The following STAT4 variants were observed in gnomAD, a reference collection of about 807,000 sequenced individuals.
STAT4 encodes signal transducer and activator of transcription 4.
A neutral mutation model predicts 110.5 loss-of-function variants in STAT4; 42 were observed. The observed-to-expected ratio is 0.38, with a 90% CI of 0.30 to 0.49. The LOEUF is 0.49. Among genes scored for constraint, STAT4 ranks in the 20% least tolerant of loss-of-function variants. The probability of loss-of-function intolerance (pLI) is 0.95; values close to 1 mark genes in which losing one functional copy is unlikely to be tolerated. For synonymous variants in STAT4, 284 were observed against 302.2 expected, an observed-to-expected ratio of 0.94 and a Z score of 0.63; for missense variants, 632 against 887.9, an observed-to-expected ratio of 0.71 and a Z score of 3.66.
intron 3 of STAT4, among the ~76,000 whole-genome samples, chr2:191,123,298 C>T (rs1698788007): frequency 6.6e-6 from 1 of 152,168 alleles, no homozygotes; most frequent in Admixed American, 6.5e-5. Context: ...AAGACCACCT[C>T]CCCCGCTCCC....
rs763819745 is a variant in STAT4 at position 191,033,153 on chromosome 2, GA to G, written c.1853-5del. ...ACAGAGTGGAATCTCACTTCCCCTT[GA>G]AAAACAGAAATTGGAGAAATATACA... On this transcript the variant is annotated splice_polypyrimidine_tract_variant and splice_region_variant and intron_variant, in intron 20 of 23. Transcript: ENST00000392320. This position sits in a 1 kb window ranked among gnomAD's most constrained non-coding sequence, Gnocchi z 6.9. The G allele has an allele frequency of 1.9e-5, 31 of 1,611,004 alleles. No homozygotes were observed. In the East Asian group the frequency reaches 2.2e-4, roughly 12 times the overall value.
chr2:191,049,751 T>G (rs1019796042), intron 14 of STAT4, among the ~76,000 whole-genome samples: 1 of 152,204 alleles, frequency 6.6e-6, no homozygotes, highest in African/African-American at 2.4e-5. Context: ...ACATGAGAGA[T>G]AGCCTTTAAT....
chr2:191,048,268 G>A (rs910653272), intron 14 of STAT4, among the ~76,000 whole-genome samples: 5 of 152,100 alleles, frequency 3.3e-5, no homozygotes, highest in Non-Finnish European at 1.5e-5. Context: ...CAATTGTGAG[G>A]CACATTTAGA....
intron 3 of STAT4, among the ~76,000 whole-genome samples, chr2:191,120,380 T>C (rs957114088): frequency 6.6e-6 from 1 of 152,062 alleles, no homozygotes; most frequent in Non-Finnish European, 1.5e-5. Flanking sequence ...TCAAAAAGCC[T>C]AGGCAACATA....
Position 191,032,729 on chromosome 2 carries a change from AGTTTAGTTAC to A in STAT4, c.2044+219_2044+228del, listed in dbSNP as rs1695934729. The A allele has an allele frequency of 2.1e-6, 1 of 482,326 alleles. No homozygotes were observed. Among genetic ancestry groups the A allele is most frequent in the African/African-American group, 2.0e-5 (1 of 49,850 alleles). The allele number at this position is 482,326 out of a possible 1,614,324, so 29.9% of individuals were successfully genotyped here. A position where few individuals can be genotyped will look rare whatever the true frequency, so the allele number is the denominator to read the frequency against. ...TGAGAGGCCCCCATGGCCATGGTGA[AGTTTAGTTAC>A]AGCTGCTTATTACTCGCTAGTGTTA... On this transcript the variant is annotated intron_variant, in intron 21 of 23. Coordinates refer to ENST00000392320, the MANE Select transcript of STAT4 (RefSeq NM_003151.4). This position sits in a 1 kb window ranked among gnomAD's most constrained non-coding sequence, Gnocchi z 4.9.
At chr2:191,125,317 A>C (rs4596007) in intron 3 of STAT4, among the ~76,000 whole-genome samples, 92,144 of 151,416 alleles carry the variant, frequency 0.61, 28,814 homozygotes, top group South Asian at 0.78. Flanking sequence ...GCCAACACAG[A>C]TCTTGGCTAC....
rs180979007 is a variant in STAT4, at chr2:191,082,160, A to T, written c.274-5835T>A. Among the ~76,000 whole-genome samples the T allele has an allele frequency of 9.1e-4, 139 of 152,300 alleles. No individual in the cohort carries two copies. The highest frequency in any genetic ancestry group is 1.7e-3 in the Non-Finnish European group (115 of 68,032). ...AATTTCAGTAACAAAATATAATACA[A>T]CTTTATCTACTTGTGAGCATCTTCC... On this transcript the variant is annotated intron_variant, in intron 3 of 23. Transcript: ENST00000392320. This position sits in a 1 kb window ranked among gnomAD's most constrained non-coding sequence, Gnocchi z 4.7.
At chr2:191,047,635 A>G (rs188666068) in intron 14 of STAT4, among the ~76,000 whole-genome samples, 63 of 152,190 alleles carry the variant, frequency 4.1e-4, no homozygotes, top group African/African-American at 1.5e-3. Flanking sequence ...TATAGGTCCC[A>G]TCACTCTCAC....
At position 191,031,408 on chromosome 2, in the gene STAT4, GC is replaced by G. The variant is rs770003961; in HGVS notation, c.2111+41del. 4 of 1,586,408 alleles carry G rather than the reference GC, an allele frequency of 2.5e-6. No homozygotes were observed. The highest frequency in any genetic ancestry group is 4.5e-5 in the East Asian group (2 of 44,624). On this transcript the variant is annotated intron_variant, in intron 22 of 23. Coordinates refer to ENST00000392320, the MANE Select transcript of STAT4 (RefSeq NM_003151.4). This position sits in a 1 kb window ranked among gnomAD's most constrained non-coding sequence, Gnocchi z 4.8. The stretch of plus-strand genomic sequence containing the variant: ...CTACCTTTAAATCTCCTATAGGAAA[GC>G]TTTTTATAAAAATATTTCACATGTG...
Position 191,135,048 on chromosome 2 carries a change from G to T in STAT4, c.273+11565C>A, listed in dbSNP as rs1452176648. ...AAAAACCGAAATTAGTGGAAGGAAAGAATTAATAAAGATCAGAGCAGAATA... is the reference window on the plus strand; with the variant it reads ...AAAAACCGAAATTAGTGGAAGGAAATAATTAATAAAGATCAGAGCAGAATA... On this transcript the variant is annotated intron_variant, in intron 3 of 23. Transcript: ENST00000392320. This position sits in a 1 kb window ranked among gnomAD's most constrained non-coding sequence, Gnocchi z 4.8. 1.3e-5 allele frequency among the ~76,000 whole-genome samples: 2 copies of T among 151,532 alleles called. No individual in the cohort carries two copies. The highest frequency in any genetic ancestry group is 2.9e-5 in the Non-Finnish European group (2 of 67,854).
rs1699158774 is a variant in STAT4, at chr2:191,135,592, G to A, written c.273+11021C>T. Among the ~76,000 whole-genome samples, 3 of 152,170 alleles carry A rather than the reference G, an allele frequency of 2.0e-5. No homozygotes were observed. Among genetic ancestry groups the A allele is most frequent in the African/African-American group, 7.2e-5 (3 of 41,438 alleles). Reference sequence around the variant, plus strand: ...AGGCTCAAGTGATTCTCCTCCTCATGAGTAGCTGGGACTACAGGTGATCAC... The same window carrying A: ...AGGCTCAAGTGATTCTCCTCCTCATAAGTAGCTGGGACTACAGGTGATCAC... On this transcript the variant is annotated intron_variant, in intron 3 of 23. Transcript: ENST00000392320. The surrounding 1 kb of genome is among the most constrained non-coding windows in gnomAD (Gnocchi z 4.8).
intron 4 of STAT4, among the ~76,000 whole-genome samples, chr2:191,073,952 A>G (rs1016035165): frequency 1.3e-5 from 2 of 152,232 alleles, no homozygotes; most frequent in African/African-American, 2.4e-5. Flanking sequence ...TAACATCTAT[A>G]TAACTTTTGA....
Position 191,130,220 on chromosome 2 carries a change from C to CTTTT in STAT4, c.273+16389_273+16392dup, listed in dbSNP as rs34523590. Among the ~76,000 whole-genome samples, 4 of 115,800 alleles carry CTTTT rather than the reference C, an allele frequency of 3.5e-5. 1 individual carries two copies. The highest frequency in any genetic ancestry group is 9.1e-5 in the African/African-American group (3 of 32,964). 76.0% of individuals were successfully genotyped at this position (115,800 alleles called of 152,430 possible). On this transcript the variant is annotated intron_variant, in intron 3 of 23. Transcript: ENST00000392320. ...CTGTTTTGGCTTTCAGTCTATCTCC[C>CTTTT]TTTTTTTTTTTTTTTTTTTTGAGAC...
At chr2:191,040,530 A>G (rs1443137208) in intron 15 of STAT4, among the ~76,000 whole-genome samples, 1 of 152,066 alleles carries the variant, frequency 6.6e-6, no homozygotes, top group Non-Finnish European at 1.5e-5. Context: ...AAAGTTCGTA[A>G]TACTCTTGAG....
chr2:191,054,913 A>G (rs1169731238), intron 13 of STAT4, among the ~76,000 whole-genome samples: 4 of 152,332 alleles, frequency 2.6e-5, no homozygotes, highest in Non-Finnish European at 5.9e-5. Context: ...AGTCTAACGA[A>G]GACTAGAAAA....
chr2:191,031,397 C>G lies in STAT4; in HGVS notation c.2111+53G>C, dbSNP rs1469859888. The G allele has an allele frequency of 6.4e-7, 1 of 1,559,960 alleles. No homozygotes were observed. The highest frequency in any genetic ancestry group is 1.1e-5 in the South Asian group (1 of 87,208). ...TGTACTCTGCTCTACCTTTAAATCT[C>G]CTATAGGAAAGCTTTTTATAAAAAT... On this transcript the variant is annotated intron_variant, in intron 22 of 23. Transcript: ENST00000392320. This position sits in a 1 kb window ranked among gnomAD's most constrained non-coding sequence, Gnocchi z 4.8.
intron 3 of STAT4, among the ~76,000 whole-genome samples, chr2:191,133,977 G>A (rs1232982132): frequency 2.6e-5 from 4 of 152,212 alleles, no homozygotes; most frequent in African/African-American, 9.7e-5. Context: ...AAAACATATT[G>A]CCAAGTGAAA....
At chr2:191,081,931 G>T (rs1181155410) in intron 3 of STAT4, among the ~76,000 whole-genome samples, 2 of 152,082 alleles carry the variant, frequency 1.3e-5, no homozygotes, top group Non-Finnish European at 2.9e-5. Context: ...CTTGCATCAT[G>T]CTGGAAGTTA....
At chr2:191,063,864 C>T (rs1474781543) in intron 8 of STAT4, among the ~76,000 whole-genome samples, 1 of 152,200 alleles carries the variant, frequency 6.6e-6, no homozygotes, top group Non-Finnish European at 1.5e-5. Context: ...GTAGGCCTGG[C>T]AGGGCAGAGC....
Sources: allele counts gnomAD v4.1 joint callset (sites outside exome capture counted in the v4.1 genomes callset), GRCh38; gene constraint gnomAD v4.1.1; non-coding constraint Gnocchi (gnomAD v3.1); transcripts MANE v1.5; gene names NCBI Gene and HGNC (gene_info 2026-07-23, HGNC 2026-07-21).